NTM: variants seen among roughly 807,000 people sequenced by gnomAD.
The protein encoded by NTM is IgLON family member 2.
NTM carries 13 observed loss-of-function variants against 42.1 expected under a neutral mutation model. That is an observed-to-expected ratio of 0.31 (90% confidence interval 0.20 to 0.49). NTM has a LOEUF of 0.49. Ranked by LOEUF, NTM falls within the 20% of genes least tolerant of loss-of-function variation. The pLI, the probability that NTM is intolerant of heterozygous loss-of-function variation, is 0.99. For missense variants in NTM, 373 were observed against 452.8 expected (o/e 0.82, Z 1.60); for synonymous variants, 187 against 179.2 (o/e 1.04, Z -0.35).
chr11:131,405,821 A>G (rs186221820), intron 1 of NTM, among the ~76,000 whole-genome samples: 50 of 152,240 alleles, frequency 3.3e-4, no homozygotes, highest in Admixed American at 1.6e-3. Context: ...CTCAGTGAGT[A>G]TGCTCCACTA....
Position 131,726,519 on chromosome 11 carries a change from G to A in NTM, c.83-185045G>A, listed in dbSNP as rs965751465. On this transcript the variant is annotated intron_variant, in intron 1 of 8. Coordinates refer to ENST00000683400, the MANE Select transcript of NTM (RefSeq NM_001352005.2). ...ACAGGCTTTTACTGAAGGCTTGTTG[G>A]TTCTGGAGAGTGATCGCACAGCACA... is the stretch of plus-strand genomic sequence containing the variant. Among the ~76,000 whole-genome samples, 6 of 151,096 alleles carry A rather than the reference G, an allele frequency of 4.0e-5. No homozygotes were observed. The South Asian group carries it at 1.0e-3, about 26-fold the overall frequency.
chr11:131,371,547 G>C (rs1264689455), intron 1 of NTM, among the ~76,000 whole-genome samples: 2 of 152,194 alleles, frequency 1.3e-5, no homozygotes, highest in African/African-American at 2.4e-5. Flanking sequence ...AAGTTGAAGG[G>C]AGAGAGGCAA....
intron 1 of NTM, among the ~76,000 whole-genome samples, chr11:131,825,994 T>G (rs75573692): frequency 0.018 from 2,755 of 152,216 alleles, 152 homozygotes; most frequent in East Asian, 0.14. Flanking sequence ...AATGCATAAA[T>G]TAAACCATGC....
At chr11:131,440,108 A>T (rs1322732904) in intron 1 of NTM, among the ~76,000 whole-genome samples, 1 of 151,304 alleles carries the variant, frequency 6.6e-6, no homozygotes, top group East Asian at 1.9e-4. Flanking sequence ...TCTGTCATTT[A>T]TATTTTCTAT....
intron 1 of NTM, among the ~76,000 whole-genome samples, chr11:131,708,764 C>T (rs2076835441): frequency 6.6e-6 from 1 of 152,072 alleles, no homozygotes; most frequent in African/African-American, 2.4e-5. Context: ...TACCAATGAA[C>T]CAAACAACAA....
chr11:131,396,103 A>C (rs1271395429), intron 1 of NTM, among the ~76,000 whole-genome samples: 3 of 152,184 alleles, frequency 2.0e-5, no homozygotes, highest in African/African-American at 7.2e-5. Context: ...GCTCCAGAAA[A>C]GCAGGTAAAA....
intron 2 of NTM, 47 bp downstream of exon 2, chr11:131,911,695 G>A (rs776569251): frequency 1.9e-6 from 3 of 1,611,694 alleles, no homozygotes; most frequent in Middle Eastern, 1.6e-4. Context: ...GTATGGGGTC[G>A]GGGTAAGGGG....
intron 4 of NTM, among the ~76,000 whole-genome samples, chr11:132,256,621 G>A (rs988571412): frequency 6.6e-6 from 1 of 150,724 alleles, no homozygotes; most frequent in African/African-American, 2.5e-5. Context: ...GCTGGCTCTC[G>A]CTCTGTTGGT....
chr11:131,873,340 A>T (rs532197432), intron 1 of NTM, among the ~76,000 whole-genome samples: 5 of 151,280 alleles, frequency 3.3e-5, no homozygotes, highest in African/African-American at 1.2e-4. Flanking sequence ...GGTAGGGAAC[A>T]TCACACACCG....
intron 2 of NTM, among the ~76,000 whole-genome samples, chr11:132,054,398 T>C (rs947397832): frequency 1.3e-5 from 2 of 152,242 alleles, no homozygotes; most frequent in African/African-American, 4.8e-5. Flanking sequence ...TTAGCTATAA[T>C]GCCATTTGTC....
intron 1 of NTM, among the ~76,000 whole-genome samples, chr11:131,691,474 G>A (rs2074703864): frequency 6.6e-6 from 1 of 152,210 alleles, no homozygotes; most frequent in Non-Finnish European, 1.5e-5. Flanking sequence ...GGGCAGGCGT[G>A]GACCCCACAC....
intron 3 of NTM, among the ~76,000 whole-genome samples, chr11:132,149,146 C>T (rs1286026914): frequency 1.3e-5 from 2 of 149,178 alleles, no homozygotes; most frequent in African/African-American, 5.0e-5. Context: ...AACTGACCCC[C>T]TCTTCAAAGC....
intron 1 of NTM, among the ~76,000 whole-genome samples, chr11:131,754,507 C>G (rs1162967938): frequency 6.6e-6 from 1 of 152,042 alleles, no homozygotes; most frequent in Non-Finnish European, 1.5e-5. Context: ...TATCTGTAAT[C>G]CCAGCTACTT....
intron 2 of NTM, among the ~76,000 whole-genome samples, chr11:132,004,714 A>G (rs185234241): frequency 5.3e-5 from 8 of 152,028 alleles, no homozygotes; most frequent in African/African-American, 1.9e-4. Context: ...GAACATCAGC[A>G]TATGTGTGGT....
Position 131,950,463 on chromosome 11 carries a change from C to T in NTM, c.167+38815C>T, listed in dbSNP as rs144072391. Among the ~76,000 whole-genome samples, 273 of 152,288 alleles carry T rather than the reference C, an allele frequency of 1.8e-3. 1 individual carries two copies. The highest frequency in any genetic ancestry group is 3.0e-3 in the Non-Finnish European group (207 of 68,034). ...CTCACCTATACCCTGGCTTTTCTCT[C>T]GTACACTTTGTTCACTCAGTACTCT... On this transcript the variant is annotated intron_variant, in intron 2 of 8. Transcript: ENST00000683400.
chr11:132,258,697 A>G (rs1238440157), intron 4 of NTM, among the ~76,000 whole-genome samples: 1 of 152,234 alleles, frequency 6.6e-6, no homozygotes, highest in Admixed American at 6.5e-5. Context: ...TCAAGGGACC[A>G]CTGATCTAAA....
At chr11:131,886,421 G>A (rs570571749) in intron 1 of NTM, among the ~76,000 whole-genome samples, 10 of 151,640 alleles carry the variant, frequency 6.6e-5, no homozygotes, top group African/African-American at 1.9e-4. Context: ...CCTCTTCCCC[G>A]TTCCCCACCT....
chr11:131,701,082 T>C (rs1040899536), intron 1 of NTM, among the ~76,000 whole-genome samples: 10 of 152,354 alleles, frequency 6.6e-5, no homozygotes, highest in African/African-American at 2.4e-4. Context: ...TATTTCTTTG[T>C]CTTTCTCAGT....
At chr11:132,275,489 C>CT (rs1375359819) in intron 4 of NTM, among the ~76,000 whole-genome samples, 13 of 151,132 alleles carry the variant, frequency 8.6e-5, no homozygotes, top group African/African-American at 1.7e-4. Context: ...TTTGATTTCT[C>CT]TTTTTTTTCA....
Sources: allele counts gnomAD v4.1 joint callset (sites outside exome capture counted in the v4.1 genomes callset), GRCh38; gene constraint gnomAD v4.1.1; transcripts MANE v1.5; gene names NCBI Gene and HGNC (gene_info 2026-07-23, HGNC 2026-07-21).